The following ANGPTL2 variants were observed in gnomAD, a reference collection of about 807,000 sequenced individuals.
ANGPTL2 encodes angiopoietin-related protein 2.
Under a neutral mutation model 52.8 loss-of-function variants are expected in ANGPTL2, and 25 were observed. That is an observed-to-expected ratio of 0.47 (90% CI 0.35 to 0.66). The LOEUF (loss-of-function observed/expected upper bound fraction) is 0.66, where lower values mean the gene tolerates loss of function less well. Among genes scored for constraint, ANGPTL2 ranks in the 30% least tolerant of loss-of-function variants. The probability of loss-of-function intolerance (pLI) is 0.01; values close to 1 mark genes in which losing one functional copy is unlikely to be tolerated. For synonymous variants in ANGPTL2, 276 were observed against 277.4 expected, an observed-to-expected ratio of 1.00 and a Z score of 0.05; for missense variants, 546 against 656.9, an observed-to-expected ratio of 0.83 and a Z score of 1.84.
chr9:127,108,486 G>T lies in ANGPTL2; in HGVS notation c.246C>A (p.Asn82Lys). 1 of 1,612,588 alleles carries T rather than the reference G, an allele frequency of 6.2e-7. No individual in the cohort carries two copies. Among genetic ancestry groups the T allele is most frequent in the South Asian group, 1.1e-5 (1 of 90,890 alleles). ...NSKEPEVLLENRVHKQELELL... is the reference protein window; with the variant it reads ...NSKEPEVLLEKRVHKQELELL... ...GCTCTAGCTCCTGCTTATGCACTCGGTTCTCCAGAAGCACCTCAGGCTCCT... is the reference window on the plus strand; with the variant it reads ...GCTCTAGCTCCTGCTTATGCACTCGTTTCTCCAGAAGCACCTCAGGCTCCT... The change falls in exon 2 of 5, where the codon AAC becomes AAA. Residue 82 changes from asparagine to lysine, a missense_variant. Coordinates refer to ENST00000373425, the MANE Select transcript of ANGPTL2 (RefSeq NM_012098.3).
chr9:127,116,590 C>G (rs1349267155), intron 1 of ANGPTL2, among the ~76,000 whole-genome samples: 2 of 152,154 alleles, frequency 1.3e-5, no homozygotes, highest in Admixed American at 1.3e-4. Flanking sequence ...TGGGAAAGCC[C>G]TAGACAAGAG....
At chr9:127,097,716 G>C (rs2053288513) in intron 2 of ANGPTL2, among the ~76,000 whole-genome samples, 2 of 152,196 alleles carry the variant, frequency 1.3e-5, no homozygotes, top group Non-Finnish European at 2.9e-5. Flanking sequence ...ATCTATAGCT[G>C]TTCCATATAA....
At position 127,108,186 on chromosome 9, in the gene ANGPTL2, CT is replaced by C; in HGVS notation, c.545del (p.Lys182SerfsTer67). 1 of 1,614,108 alleles carries C rather than the reference CT, an allele frequency of 6.2e-7. No homozygotes were observed. Among genetic ancestry groups the C allele is most frequent in the Non-Finnish European group, 8.5e-7 (1 of 1,180,014 alleles). The part of the protein sequence containing the change: ...LASKYKDLEH[K>X]YQHLATLAHN... ...GGGCCAGTGTGGCCAGGTGCTGGTA[CT>C]TGTGCTCCAGGTCCTTGTACTTGCT... On this transcript the variant is annotated frameshift_variant, in exon 2 of 5. Transcript: ENST00000373425. LOFTEE classifies it high-confidence loss of function.
At chr9:127,102,747 G>C (rs1210584975) in intron 2 of ANGPTL2, among the ~76,000 whole-genome samples, 2 of 152,168 alleles carry the variant, frequency 1.3e-5, no homozygotes, top group Admixed American at 1.3e-4. Flanking sequence ...CATCATCCAG[G>C]TGGGCCATCT....
intron 1 of ANGPTL2, among the ~76,000 whole-genome samples, chr9:127,121,186 G>C (rs1462635650): frequency 1.3e-5 from 2 of 152,222 alleles, no homozygotes; most frequent in Non-Finnish European, 2.9e-5. Flanking sequence ...CTGGCATAGA[G>C]TAAGTGCAAT....
intron 2 of ANGPTL2, among the ~76,000 whole-genome samples, chr9:127,096,881 GTGACCCTCC>G (rs1164658086): frequency 1.3e-5 from 2 of 152,152 alleles, no homozygotes; most frequent in Non-Finnish European, 2.9e-5. Flanking sequence ...ATTTCCACAG[GTGACCCTCC>G]TGACACTCCT....
intron 2 of ANGPTL2, among the ~76,000 whole-genome samples, chr9:127,094,703 C>T (rs1305546664): frequency 6.6e-6 from 1 of 152,236 alleles, no homozygotes; most frequent in East Asian, 1.9e-4. Flanking sequence ...ATGCTTGGCA[C>T]TCACGCATTC....
At chr9:127,110,083 A>T (rs73595431) in intron 1 of ANGPTL2, among the ~76,000 whole-genome samples, 7,702 of 152,156 alleles carry the variant, frequency 0.051, 660 homozygotes, top group African/African-American at 0.18. Flanking sequence ...CTCTTGTTGC[A>T]TTTCTCTGCT....
intron 2 of ANGPTL2, among the ~76,000 whole-genome samples, chr9:127,094,628 T>C (rs963413045): frequency 3.9e-5 from 6 of 152,264 alleles, no homozygotes; most frequent in Non-Finnish European, 1.5e-5. Context: ...AGTGTGTTTT[T>C]AGGGGGCCAG....
At position 127,108,210 on chromosome 9, in the gene ANGPTL2, G is replaced by A; in HGVS notation, c.522C>T (p.Ser174=). ...ACTTGTGCTCCAGGTCCTTGTACTT[G>A]CTGGCCAGCTGCAGCATGTCGGCTG... ...NQTADMLQLA[S]KYKDLEHKYQ... The change falls in exon 2 of 5, where the codon AGC becomes AGT. Residue 174 remains serine (S), a synonymous_variant. Transcript: ENST00000373425. 1 of 1,614,102 alleles carries A rather than the reference G, an allele frequency of 6.2e-7. No individual in the cohort carries two copies. The highest frequency in any genetic ancestry group is 8.5e-7 in the Non-Finnish European group (1 of 1,180,006).
Position 127,091,685 on chromosome 9 carries a change from G to A in ANGPTL2, c.1267C>T (p.His423Tyr), listed in dbSNP as rs141583250. 33 of 1,613,670 alleles carry A rather than the reference G, an allele frequency of 2.0e-5. No homozygotes were observed. In the African/African-American group the frequency reaches 2.1e-4, roughly 10 times the overall value. The change falls in exon 4 of 5, where the codon CAT becomes TAT. Residue 423 changes from histidine (H) to tyrosine (Y), a missense_variant. Coordinates refer to ENST00000373425, the MANE Select transcript of ANGPTL2 (RefSeq NM_012098.3). The surrounding 1 kb of genome is among the most constrained non-coding windows in gnomAD (Gnocchi z 4.3). ...CTTTTCCTACCTGTGTAGACATCAT[G>A]ATCTCTGTCCAGGGTGGTGAACTGC... ...GKQFTTLDRD[H>Y]DVYTGNCAHY...
intron 1 of ANGPTL2, among the ~76,000 whole-genome samples, chr9:127,119,624 A>G (rs1403056460): frequency 6.6e-6 from 1 of 152,192 alleles, no homozygotes; most frequent in Admixed American, 6.5e-5. Context: ...GACATAATGT[A>G]TATGCCTTAT....
chr9:127,097,797 G>T (rs1222645581), intron 2 of ANGPTL2, among the ~76,000 whole-genome samples: 9 of 152,360 alleles, frequency 5.9e-5, no homozygotes. Context: ...GGAAGCGAGG[G>T]CTGGAGGGAG....
At chr9:127,119,493 C>G (rs1229451479) in intron 1 of ANGPTL2, among the ~76,000 whole-genome samples, 1 of 152,194 alleles carries the variant, frequency 6.6e-6, no homozygotes, top group Non-Finnish European at 1.5e-5. Context: ...GTTCCAGTCC[C>G]ACATAATCAC....
chr9:127,099,429 GACTA>G (rs1165415181), intron 2 of ANGPTL2, among the ~76,000 whole-genome samples: 1 of 152,208 alleles, frequency 6.6e-6, no homozygotes, highest in Non-Finnish European at 1.5e-5. Flanking sequence ...CAGGAGAAAT[GACTA>G]ACTGTTGAAA....
chr9:127,111,112 C>T (rs570789799), intron 1 of ANGPTL2, among the ~76,000 whole-genome samples: 11 of 152,318 alleles, frequency 7.2e-5, no homozygotes, highest in African/African-American at 2.6e-4. Flanking sequence ...CGATCATCTC[C>T]TCCAACCACC....
intron 2 of ANGPTL2, among the ~76,000 whole-genome samples, chr9:127,096,938 G>A (rs2053201485): frequency 6.6e-6 from 1 of 152,140 alleles, no homozygotes; most frequent in Admixed American, 6.5e-5. Flanking sequence ...CATTAGAGGA[G>A]CCCCTCAAGG....
At chr9:127,115,390 A>G (rs1343927912) in intron 1 of ANGPTL2, among the ~76,000 whole-genome samples, 1 of 152,172 alleles carries the variant, frequency 6.6e-6, no homozygotes, top group African/African-American at 2.4e-5. Context: ...GGGTTTCGCC[A>G]TGCTGGTTGC....
intron 1 of ANGPTL2, among the ~76,000 whole-genome samples, chr9:127,114,405 A>G (rs1239859013): frequency 6.6e-6 from 1 of 152,172 alleles, no homozygotes; most frequent in African/African-American, 2.4e-5. Flanking sequence ...ATAACCCCCA[A>G]AGATACCATA....
Sources: allele counts gnomAD v4.1 joint callset (sites outside exome capture counted in the v4.1 genomes callset), GRCh38; gene constraint gnomAD v4.1.1; non-coding constraint Gnocchi (gnomAD v3.1); transcripts MANE v1.5; gene names NCBI Gene and HGNC (gene_info 2026-07-23, HGNC 2026-07-21).